The following DCUN1D1 variants were observed in gnomAD, a reference collection of about 807,000 sequenced individuals.
DCUN1D1 encodes defective in cullin neddylation 1 domain containing 1, also known as DCN1-like protein 1.
In DCUN1D1, 3 loss-of-function variants were observed where a neutral mutation model predicts 39.0. That is an observed-to-expected ratio of 0.08 (90% CI 0.04 to 0.20). The LOEUF (loss-of-function observed/expected upper bound fraction) is 0.20. Ranked by LOEUF, DCUN1D1 falls within the 10% of genes least tolerant of loss-of-function variation. The probability of loss-of-function intolerance (pLI) is 1.00; values close to 1 mark genes in which losing one functional copy is unlikely to be tolerated. For synonymous variants in DCUN1D1, 82 were observed against 96.3 expected (o/e 0.85, Z 0.87); for missense variants, 158 against 302.4 (o/e 0.52, Z 3.54).
At chr3:182,978,538 G>T (rs1475327211) in intron 1 of DCUN1D1, among the ~76,000 whole-genome samples, 1 of 152,060 alleles carries the variant, frequency 6.6e-6, no homozygotes, top group Non-Finnish European at 1.5e-5. Context: ...AGCATGCTTG[G>T]CTATTTTTTT....
At chr3:182,977,823 T>C (rs1728317054) in intron 1 of DCUN1D1, among the ~76,000 whole-genome samples, 1 of 151,832 alleles carries the variant, frequency 6.6e-6, no homozygotes, top group Non-Finnish European at 1.5e-5. Flanking sequence ...GTGGATCACC[T>C]GAAGTCAAGA....
chr3:182,972,050 G>GTTTTTGTT (rs1727965942), intron 1 of DCUN1D1, among the ~76,000 whole-genome samples: 1 of 108,876 alleles, frequency 9.2e-6, no homozygotes, highest in African/African-American at 3.2e-5. Context: ...TCTATTTAGG[G>GTTTTTGTT]TTTTTTTTTT....
At chr3:182,984,994 C>T (rs1728680498), upstream of DCUN1D1, among the ~76,000 whole-genome samples, 1 of 152,210 alleles carries the variant, frequency 6.6e-6, no homozygotes, top group African/African-American at 2.4e-5. Context: ...AACATTTACA[C>T]TAATGTCCTT....
At chr3:182,960,376 C>T (rs1031640284) in intron 4 of DCUN1D1, among the ~76,000 whole-genome samples, 1 of 152,194 alleles carries the variant, frequency 6.6e-6, no homozygotes, top group African/African-American at 2.4e-5. Flanking sequence ...TCCAAACAAG[C>T]ATTCTCATTA....
At chr3:182,953,772 G>T (rs1479890992) in intron 4 of DCUN1D1, among the ~76,000 whole-genome samples, 1 of 152,104 alleles carries the variant, frequency 6.6e-6, no homozygotes, top group African/African-American at 2.4e-5. Flanking sequence ...TAGAGAAAAA[G>T]AAATAACTAA....
Position 182,967,128 on chromosome 3 carries a change from C to CTATATATATA in DCUN1D1, c.4-1385_4-1376dup, listed in dbSNP as rs60339329. Reference sequence around the variant, plus strand: ...ACCTCCAAACAAACAAACAAAAAAACTATATATATATATATATATATATAT... The same window carrying CTATATATATA: ...ACCTCCAAACAAACAAACAAAAAAACTATATATATATATATATATATATATATATATATAT... On this transcript the variant is annotated intron_variant, in intron 1 of 6. Transcript: ENST00000292782. Among the ~76,000 whole-genome samples, 145 of 143,544 alleles carry CTATATATATA rather than the reference C, an allele frequency of 1.0e-3. 1 individual carries two copies. The highest frequency in any genetic ancestry group is 3.4e-3 in the African/African-American group (130 of 37,976). 94.2% of individuals were successfully genotyped at this position (143,544 alleles called of 152,430 possible).
At chr3:182,951,472 C>T (rs767484902) in intron 4 of DCUN1D1, among the ~76,000 whole-genome samples, 8 of 151,270 alleles carry the variant, frequency 5.3e-5, no homozygotes, top group African/African-American at 1.9e-4. Flanking sequence ...AAAAACCAGC[C>T]GAGCATGGTT....
chr3:182,955,406 T>C (rs1726990113), intron 4 of DCUN1D1: 2 of 543,682 alleles, frequency 3.7e-6, no homozygotes, highest in South Asian at 1.4e-5. Context: ...TGTCTTCTTC[T>C]TCCCACATTT....
At chr3:182,945,292 T>C in intron 6 of DCUN1D1, 119 bp from the exon 7 acceptor site, 1 of 739,148 alleles carries the variant, frequency 1.4e-6, no homozygotes, top group Non-Finnish European at 2.1e-6. Context: ...ATATCATTCT[T>C]ATCTATTCCC....
chr3:182,975,925 G>T (rs1042643007), intron 1 of DCUN1D1, among the ~76,000 whole-genome samples: 3 of 147,114 alleles, frequency 2.0e-5, no homozygotes, highest in African/African-American at 7.5e-5. Context: ...AATGACAATT[G>T]TAAATTGTCT....
intron 1 of DCUN1D1, among the ~76,000 whole-genome samples, chr3:182,969,660 T>C (rs781243630): frequency 3.9e-5 from 6 of 152,322 alleles, no homozygotes; most frequent in Non-Finnish European, 5.9e-5. Context: ...CTAGGTATTA[T>C]CAAGTTTTCA....
intron 6 of DCUN1D1, among the ~76,000 whole-genome samples, chr3:182,947,006 G>C (rs902652069): frequency 6.6e-6 from 1 of 152,140 alleles, no homozygotes; most frequent in African/African-American, 2.4e-5. Context: ...GGAGGCTGAG[G>C]CAGGAGGACT....
upstream of DCUN1D1, among the ~76,000 whole-genome samples, chr3:182,985,253 CAGA>C (rs569337829): frequency 7.2e-5 from 11 of 152,298 alleles, no homozygotes; most frequent in East Asian, 2.1e-3. Flanking sequence ...AGGCTAGAAG[CAGA>C]AGAACCTTTT....
At position 182,938,913 on chromosome 3, in the gene DCUN1D1, AAC is replaced by A. The variant is rs1560153446; in HGVS notation, c.*6179_*6180del. 2 of 152,610 alleles carry A rather than the reference AAC, an allele frequency of 1.3e-5. No individual in the cohort carries two copies. Among genetic ancestry groups the A allele is most frequent in the East Asian group, 3.9e-4 (2 of 5,190 alleles). The allele number at this position is 152,610 out of a possible 1,614,324, so 9.5% of individuals were successfully genotyped here. ...CTGTATCAACCTTGGTACAAACAAT[AAC>A]AGAGCCAAAGCACCAGCCATCAGCA... On this transcript the variant is annotated 3_prime_UTR_variant, in exon 7 of 7. Coordinates refer to ENST00000292782, the MANE Select transcript of DCUN1D1 (RefSeq NM_020640.4).
At chr3:182,955,547 A>G in intron 4 of DCUN1D1, 1 of 526,520 alleles carries the variant, frequency 1.9e-6, no homozygotes, top group Non-Finnish European at 3.8e-6. Flanking sequence ...TTTACATGCC[A>G]CTCAAGAACT....
chr3:182,963,009 A>G (rs1727481694), intron 3 of DCUN1D1, among the ~76,000 whole-genome samples: 1 of 152,006 alleles, frequency 6.6e-6, no homozygotes, highest in South Asian at 2.1e-4. Flanking sequence ...CAAACTCCCA[A>G]ACTAAGGTGA....
At chr3:182,969,992 C>T (rs922626484) in intron 1 of DCUN1D1, among the ~76,000 whole-genome samples, 3 of 152,128 alleles carry the variant, frequency 2.0e-5, no homozygotes, top group South Asian at 2.1e-4. Flanking sequence ...CAGTAACTCA[C>T]GCCTGTAATC....
At chr3:182,954,214 G>A (rs1726909893) in intron 4 of DCUN1D1, among the ~76,000 whole-genome samples, 1 of 152,164 alleles carries the variant, frequency 6.6e-6, no homozygotes, top group African/African-American at 2.4e-5. Context: ...TCCATCTACT[G>A]AGATATAAAG....
intron 4 of DCUN1D1, chr3:182,955,873 G>A (rs1029297252): frequency 3.3e-4 from 61 of 183,006 alleles, no homozygotes; most frequent in Middle Eastern, 2.3e-3. Flanking sequence ...GAGCCACCGC[G>A]CCCAGCCGCA....
Sources: gnomAD v4.1 joint callset for allele counts (sites outside exome capture counted in the v4.1 genomes callset) on GRCh38, gnomAD v4.1.1 for gene constraint, MANE v1.5 for transcripts, NCBI Gene and HGNC (gene_info 2026-07-23, HGNC 2026-07-21) for gene names.